ROBO2: variants seen among roughly 807,000 people sequenced by gnomAD.
The protein encoded by ROBO2 is roundabout homolog 2.
ROBO2 carries 53 observed loss-of-function variants against 160.8 expected under a neutral mutation model. The ratio of observed to expected loss-of-function variants is 0.33; its 90% confidence interval spans 0.26 to 0.41. The LOEUF (loss-of-function observed/expected upper bound fraction) is 0.41. Among genes scored for constraint, ROBO2 ranks in the 10% least tolerant of loss-of-function variants. ROBO2 has a pLI of 1.00. For missense variants in ROBO2, 1,577 were observed against 1,722.4 expected (o/e 0.92, Z 1.49); for synonymous variants, 664 against 611.7 (o/e 1.09, Z -1.26).
chr3:76,322,358 T>G (rs1234898331), intron 2 of ROBO2, among the ~76,000 whole-genome samples: 1 of 151,806 alleles, frequency 6.6e-6, no homozygotes, highest in African/African-American at 2.4e-5. Flanking sequence ...TTATCAGTTA[T>G]ATGTTATCAG....
chr3:77,350,072 A>T (rs11715089), intron 2 of ROBO2, among the ~76,000 whole-genome samples: 117,684 of 150,452 alleles, frequency 0.78, 46,675 homozygotes, highest in Non-Finnish European at 0.86. Flanking sequence ...ATTAAAAAAA[A>T]ATATATATAT....
chr3:76,130,514 G>A (rs1337735037), intron 2 of ROBO2, among the ~76,000 whole-genome samples: 4 of 151,904 alleles, frequency 2.6e-5, no homozygotes, highest in Non-Finnish European at 4.4e-5. Flanking sequence ...ATACATGTAC[G>A]CATACACTCA....
chr3:76,202,188 A>G (rs570079171), intron 2 of ROBO2, among the ~76,000 whole-genome samples: 6 of 152,332 alleles, frequency 3.9e-5, no homozygotes, highest in Admixed American at 2.6e-4. Flanking sequence ...TCACTTGGCA[A>G]TGTTCTGTCT....
At chr3:76,564,859 A>G (rs2084416704) in intron 2 of ROBO2, among the ~76,000 whole-genome samples, 1 of 151,836 alleles carries the variant, frequency 6.6e-6, no homozygotes, top group Non-Finnish European at 1.5e-5. Flanking sequence ...ATTGTGTGGG[A>G]TTTTGTCTTT....
chr3:77,335,420 AC>A (rs1183868239), intron 2 of ROBO2, among the ~76,000 whole-genome samples: 3 of 152,198 alleles, frequency 2.0e-5, no homozygotes, highest in Non-Finnish European at 4.4e-5. Flanking sequence ...ACACGAACAA[AC>A]AAAAAAAGCA....
chr3:76,109,006 G>T (rs1054625409), intron 2 of ROBO2, among the ~76,000 whole-genome samples: 13 of 151,492 alleles, frequency 8.6e-5, no homozygotes, highest in Non-Finnish European at 8.9e-5. Flanking sequence ...GTATTTCTCT[G>T]TATCTTTTTT....
chr3:77,391,063 T>G (rs965096594), intron 2 of ROBO2, among the ~76,000 whole-genome samples: 1 of 152,068 alleles, frequency 6.6e-6, no homozygotes, highest in African/African-American at 2.4e-5. Context: ...TCAAAAGGCA[T>G]TAATTCCACT....
At chr3:76,611,222 T>C (rs2088095786) in intron 2 of ROBO2, among the ~76,000 whole-genome samples, 1 of 152,148 alleles carries the variant, frequency 6.6e-6, no homozygotes, top group Non-Finnish European at 1.5e-5. Flanking sequence ...GGCTGTAAAC[T>C]GTCTTTTGCT....
intron 2 of ROBO2, among the ~76,000 whole-genome samples, chr3:77,210,224 A>G (rs1019623039): frequency 3.3e-5 from 5 of 152,048 alleles, no homozygotes; most frequent in African/African-American, 1.2e-4. Context: ...TTCCTCCTTC[A>G]TTGCAGAAAA....
chr3:77,035,574 T>G, upstream of ROBO2, among the ~76,000 whole-genome samples: 1 of 151,930 alleles, frequency 6.6e-6, no homozygotes, highest in Non-Finnish European at 1.5e-5. Flanking sequence ...GATTTATAAC[T>G]TCATGTAATA....
At chr3:76,206,171 A>G (rs1277826108) in intron 2 of ROBO2, among the ~76,000 whole-genome samples, 2 of 152,112 alleles carry the variant, frequency 1.3e-5, no homozygotes, top group African/African-American at 4.8e-5. Flanking sequence ...AAGCCTTTAG[A>G]ACTTCTTACT....
chr3:77,261,550 A>T (rs2153335652), intron 2 of ROBO2, among the ~76,000 whole-genome samples: 1 of 152,240 alleles, frequency 6.6e-6, no homozygotes. Flanking sequence ...GCTTTTATAT[A>T]CAGTATATAT....
At chr3:76,906,424 A>G (rs1164638347) in intron 2 of ROBO2, among the ~76,000 whole-genome samples, 1 of 151,836 alleles carries the variant, frequency 6.6e-6, no homozygotes, top group Non-Finnish European at 1.5e-5. Context: ...TAAGTTCTTG[A>G]TTCATTAGGT....
At chr3:77,131,713 TC>T (rs1055908295) in intron 2 of ROBO2, among the ~76,000 whole-genome samples, 62 of 152,174 alleles carry the variant, frequency 4.1e-4, no homozygotes, top group African/African-American at 1.5e-3. Context: ...TATGAAAGTG[TC>T]TAGCATAGTT....
chr3:76,682,589 G>A (rs2092591921), intron 2 of ROBO2, among the ~76,000 whole-genome samples: 1 of 151,968 alleles, frequency 6.6e-6, no homozygotes, highest in Non-Finnish European at 1.5e-5. Context: ...GGCATTTTTA[G>A]TAGAGACGGG....
At chr3:77,122,817 A>G (rs1021405269) in intron 2 of ROBO2, among the ~76,000 whole-genome samples, 2 of 152,238 alleles carry the variant, frequency 1.3e-5, no homozygotes, top group African/African-American at 4.8e-5. Flanking sequence ...TCGACAAGCC[A>G]TCTCTGATAG....
chr3:77,346,086 A>G (rs2067603265), intron 2 of ROBO2, among the ~76,000 whole-genome samples: 1 of 152,108 alleles, frequency 6.6e-6, no homozygotes, highest in African/African-American at 2.4e-5. Context: ...TACCCATGAT[A>G]TATTGCTTGC....
intron 2 of ROBO2, among the ~76,000 whole-genome samples, chr3:76,464,904 C>T (rs2078283741): frequency 6.6e-6 from 1 of 152,080 alleles, no homozygotes; most frequent in African/African-American, 2.4e-5. Flanking sequence ...CATCTCTATA[C>T]AATACCAAGT....
intron 2 of ROBO2, among the ~76,000 whole-genome samples, chr3:76,147,520 G>C (rs958300156): frequency 6.6e-6 from 1 of 151,960 alleles, no homozygotes; most frequent in African/African-American, 2.4e-5. Flanking sequence ...AGAGATTACT[G>C]TTTTACACCT....
Sources: allele counts gnomAD v4.1 joint callset (sites outside exome capture counted in the v4.1 genomes callset), GRCh38; gene constraint gnomAD v4.1.1; transcripts MANE v1.5; gene names NCBI Gene and HGNC (gene_info 2026-07-23, HGNC 2026-07-21).